The following CCDC60 variants were observed in gnomAD, a reference collection of about 807,000 sequenced individuals.
CCDC60 encodes the protein coiled-coil domain-containing protein 60.
CCDC60 carries 54 observed loss-of-function variants against 63.5 expected under a neutral mutation model. The ratio of observed to expected loss-of-function variants is 0.85; its 90% CI spans 0.68 to 1.07. The LOEUF is 1.07. CCDC60 is among the 50% of genes least tolerant of loss of function. The pLI is 0.00. For synonymous variants in CCDC60, 206 were observed against 238.8 expected (o/e 0.86, Z 1.27); for missense variants, 651 against 684.3 (o/e 0.95, Z 0.54).
chr12:119,481,997 T>TGTATATATA (rs1566033834), intron 4 of CCDC60, among the ~76,000 whole-genome samples: 1 of 109,414 alleles, frequency 9.1e-6, no homozygotes, highest in Non-Finnish European at 1.9e-5. Flanking sequence ...TATATATATA[T>TGTATATATA]GTATATATAG....
chr12:119,359,990 C>T (rs887927750), intron 1 of CCDC60, among the ~76,000 whole-genome samples: 15 of 152,262 alleles, frequency 9.9e-5, no homozygotes, highest in African/African-American at 3.4e-4. Context: ...ACCTTTCCCC[C>T]CTTTCTATTC....
chr12:119,431,845 A>C (rs1950235094), intron 2 of CCDC60, among the ~76,000 whole-genome samples: 1 of 151,836 alleles, frequency 6.6e-6, no homozygotes. Context: ...CGCCTGGCTA[A>C]TTTTTTTGTA....
chr12:119,437,770 C>T (rs1373094094), intron 2 of CCDC60, among the ~76,000 whole-genome samples: 1 of 152,186 alleles, frequency 6.6e-6, no homozygotes, highest in East Asian at 1.9e-4. Flanking sequence ...GACTTGAGAC[C>T]TTGCCTCAAA....
intron 1 of CCDC60, among the ~76,000 whole-genome samples, chr12:119,382,964 C>T (rs111760704): frequency 7.9e-4 from 121 of 152,312 alleles, no homozygotes; most frequent in Middle Eastern, 3.4e-3. Flanking sequence ...CTACTGATGG[C>T]GGAACCTCTT....
intron 3 of CCDC60, 110 bp from the exon 4 acceptor site, chr12:119,478,983 AT>A: frequency 1.3e-6 from 1 of 744,596 alleles, no homozygotes; most frequent in Non-Finnish European, 2.4e-6. Context: ...TATTTGCCTG[AT>A]ACATAGTAAG....
At chr12:119,354,391 G>A (rs1045445309) in intron 1 of CCDC60, among the ~76,000 whole-genome samples, 4 of 152,158 alleles carry the variant, frequency 2.6e-5, no homozygotes, top group Admixed American at 1.3e-4. Context: ...GTGTACTTTA[G>A]GTAAATAGAT....
At chr12:119,513,427 T>C (rs959642684) in intron 7 of CCDC60, among the ~76,000 whole-genome samples, 3 of 152,126 alleles carry the variant, frequency 2.0e-5, no homozygotes, top group Admixed American at 2.0e-4. Context: ...GAGAGAATAG[T>C]TCTCTCCTTT....
chr12:119,534,484 G>A (rs146612004), intron 13 of CCDC60, among the ~76,000 whole-genome samples: 7,621 of 152,210 alleles, frequency 0.05, 368 homozygotes, highest in African/African-American at 0.13. Context: ...CGGCATCCCT[G>A]TCTTGTGCCA....
chr12:119,526,712 T>C (rs1296995384), intron 11 of CCDC60, among the ~76,000 whole-genome samples: 1 of 152,216 alleles, frequency 6.6e-6, no homozygotes, highest in Non-Finnish European at 1.5e-5. Context: ...CACAATGAGA[T>C]ACCATCTCAC....
intron 13 of CCDC60, among the ~76,000 whole-genome samples, chr12:119,532,314 G>C (rs567465450): frequency 3.7e-4 from 56 of 152,016 alleles, no homozygotes; most frequent in African/African-American, 1.1e-3. Context: ...AGTACTAGGG[G>C]CTCCTCTTTT....
chr12:119,446,157 A>G (rs1950538640), intron 2 of CCDC60, among the ~76,000 whole-genome samples: 1 of 152,220 alleles, frequency 6.6e-6, no homozygotes, highest in South Asian at 2.1e-4. Context: ...TTGTTTTGCA[A>G]GACAGTCTCA....
At chr12:119,471,856 C>T in intron 2 of CCDC60, 138 bp from the exon 3 acceptor site, 1 of 584,882 alleles carries the variant, frequency 1.7e-6, no homozygotes, top group Non-Finnish European at 2.9e-6. Context: ...CTATTTCTAC[C>T]TGTTTCTTTC....
intron 5 of CCDC60, among the ~76,000 whole-genome samples, chr12:119,493,804 G>C (rs1265233617): frequency 6.6e-6 from 1 of 152,078 alleles, no homozygotes; most frequent in Non-Finnish European, 1.5e-5. Context: ...CAAACCCTTA[G>C]GGCCAACTGC....
intron 1 of CCDC60, among the ~76,000 whole-genome samples, chr12:119,379,560 A>G (rs1955988013): frequency 6.6e-6 from 1 of 152,240 alleles, no homozygotes; most frequent in South Asian, 2.1e-4. Flanking sequence ...AGACACTCTA[A>G]TAATCATATA....
Position 119,456,043 on chromosome 12 carries a change from G to GAA in CCDC60, c.171-15949_171-15948dup, listed in dbSNP as rs1248557895. Among the ~76,000 whole-genome samples the GAA allele has an allele frequency of 4.8e-5, 7 of 147,286 alleles. No individual in the cohort carries two copies. Among genetic ancestry groups the GAA allele is most frequent in the Non-Finnish European group, 9.0e-5 (6 of 66,868 alleles). ...AGAAAGAAAGAAAGAAAGAAAGAAAGAAAGAAAGAAAGAAAGAAAGCAAGC... is the reference window on the plus strand; with the variant it reads ...AGAAAGAAAGAAAGAAAGAAAGAAAGAAAAAGAAAGAAAGAAAGAAAGCAAGC... On this transcript the variant is annotated intron_variant, in intron 2 of 13. Coordinates refer to ENST00000327554, the MANE Select transcript of CCDC60 (RefSeq NM_178499.5). The surrounding 1 kb of genome is among the most constrained non-coding windows in gnomAD (Gnocchi z 4.6).
In CCDC60 at chr12:119,479,100, T is replaced by C. The variant is rs778310558; in HGVS notation, c.348T>C (p.Tyr116=). The change falls in exon 4 of 14, where the codon TAT becomes TAC. Residue 116 remains tyrosine (Y), a synonymous_variant. Transcript: ENST00000327554. Reference sequence around the variant, plus strand: ...CTGTCTGCTTGTCCTTCAGCACATATGATGATGAGAAGTTGAAGACACTGG... The same window carrying C: ...CTGTCTGCTTGTCCTTCAGCACATACGATGATGAGAAGTTGAAGACACTGG... The part of the protein sequence containing the change: ...IHYGDTLLST[Y]DDEKLKTLGA... 4 of 1,610,934 alleles carry C rather than the reference T, an allele frequency of 2.5e-6. No homozygotes were observed. Among genetic ancestry groups the C allele is most frequent in the East Asian group, 4.5e-5 (2 of 44,872 alleles).
chr12:119,485,817 G>A (rs1951426315), intron 4 of CCDC60, among the ~76,000 whole-genome samples: 1 of 152,164 alleles, frequency 6.6e-6, no homozygotes, highest in African/African-American at 2.4e-5. Context: ...AATTATTTAG[G>A]AAGTTTGAAG....
intron 1 of CCDC60, among the ~76,000 whole-genome samples, chr12:119,351,358 A>G (rs1374500063): frequency 6.6e-6 from 1 of 152,252 alleles, no homozygotes; most frequent in Non-Finnish European, 1.5e-5. Flanking sequence ...AGTCCATACC[A>G]TCTGTATTAG....
intron 2 of CCDC60, among the ~76,000 whole-genome samples, chr12:119,433,147 G>A (rs551437556): frequency 5.6e-4 from 41 of 73,216 alleles, no homozygotes; most frequent in African/African-American, 2.1e-3. Flanking sequence ...TCAGGGCTCA[G>A]TTCCCCCGAC....
Sources: allele counts gnomAD v4.1 joint callset (sites outside exome capture counted in the v4.1 genomes callset), GRCh38; gene constraint gnomAD v4.1.1; non-coding constraint Gnocchi (gnomAD v3.1); transcripts MANE v1.5; gene names NCBI Gene and HGNC (gene_info 2026-07-23, HGNC 2026-07-21).